Variants in PTPRK observed in about 807,000 individuals in gnomAD.
PTPRK encodes the protein protein tyrosine phosphatase receptor type K, also known as receptor-type tyrosine-protein phosphatase kappa.
A neutral mutation model predicts 178.0 loss-of-function variants in PTPRK; 75 were observed. The observed-to-expected ratio is 0.42, with a 90% CI of 0.35 to 0.51. The LOEUF is 0.51. PTPRK is among the 20% of genes least tolerant of loss of function. The pLI, the probability that PTPRK is intolerant of heterozygous loss-of-function variation, is 0.02. For synonymous variants in PTPRK, 637 were observed against 620.6 expected, an observed-to-expected ratio of 1.03 and a Z score of -0.39; for missense variants, 1,441 against 1,797.8, an observed-to-expected ratio of 0.80 and a Z score of 3.59.
chr6:128,044,300 T>G lies in PTPRK; in HGVS notation c.2194+20458A>C, dbSNP rs749795708. 2.6e-4 allele frequency among the ~76,000 whole-genome samples: 40 copies of G among 152,208 alleles called. 1 individual carries two copies. The highest frequency in any genetic ancestry group is 2.3e-3 in the South Asian group (11 of 4,824). On this transcript the variant is annotated intron_variant, in intron 13 of 29. Coordinates refer to ENST00000368226, the MANE Select transcript of PTPRK (RefSeq NM_002844.4). ...TCAACAAGTACTATATATCTGTATC[T>G]AAAAGTATTAAATACACCCATTTCT...
intron 3 of PTPRK, among the ~76,000 whole-genome samples, chr6:128,277,489 A>G (rs1465911614): frequency 6.6e-6 from 1 of 152,128 alleles, no homozygotes; most frequent in Non-Finnish European, 1.5e-5. Flanking sequence ...GAAAATAATC[A>G]TATGTTACTC....
intron 2 of PTPRK, among the ~76,000 whole-genome samples, chr6:128,330,942 C>A (rs1277042753): frequency 1.3e-5 from 2 of 152,276 alleles, no homozygotes; most frequent in East Asian, 3.9e-4. Context: ...TCTCCATGCA[C>A]TGGACCTTCC....
At chr6:128,125,210 C>G (rs1052770300) in intron 7 of PTPRK, among the ~76,000 whole-genome samples, 1 of 152,286 alleles carries the variant, frequency 6.6e-6, no homozygotes, top group Middle Eastern at 3.4e-3. Context: ...ACCCAAATCT[C>G]ATGTTAAATG....
intron 7 of PTPRK, among the ~76,000 whole-genome samples, chr6:128,167,726 C>T (rs1799625043): frequency 6.6e-6 from 1 of 152,024 alleles, no homozygotes; most frequent in Non-Finnish European, 1.5e-5. Flanking sequence ...GTTGAATAGA[C>T]ATTTCATGAA....
chr6:128,104,069 T>A (rs1467905808), intron 7 of PTPRK, among the ~76,000 whole-genome samples: 1 of 152,240 alleles, frequency 6.6e-6, no homozygotes, highest in Non-Finnish European at 1.5e-5. Context: ...CTACCAGATA[T>A]TCATGTGTCT....
intron 2 of PTPRK, among the ~76,000 whole-genome samples, chr6:128,343,384 C>A (rs1831946041): frequency 6.6e-6 from 1 of 151,416 alleles, no homozygotes; most frequent in African/African-American, 2.4e-5. Context: ...CCTATAATCC[C>A]AGCTACTCTG....
At chr6:128,353,771 C>CA (rs1190379333) in intron 2 of PTPRK, among the ~76,000 whole-genome samples, 1 of 151,794 alleles carries the variant, frequency 6.6e-6, no homozygotes, top group Non-Finnish European at 1.5e-5. Flanking sequence ...CTTCAGGTGA[C>CA]AAAAAAAATT....
chr6:128,330,207 T>A (rs1185441279), intron 2 of PTPRK, among the ~76,000 whole-genome samples: 3 of 152,212 alleles, frequency 2.0e-5, no homozygotes, highest in Admixed American at 6.5e-5. Context: ...GAGTGACAAG[T>A]GAAATCATGA....
chr6:128,332,678 C>A (rs935876258), intron 2 of PTPRK, among the ~76,000 whole-genome samples: 1 of 152,168 alleles, frequency 6.6e-6, no homozygotes, highest in Non-Finnish European at 1.5e-5. Flanking sequence ...AACTTAATGG[C>A]ACTTAACCTT....
intron 1 of PTPRK, among the ~76,000 whole-genome samples, chr6:128,460,255 C>T (rs75902715): frequency 1.3e-5 from 2 of 152,030 alleles, no homozygotes; most frequent in Non-Finnish European, 2.9e-5. Flanking sequence ...CAAGAATGCC[C>T]TTTTCCAGCT....
At chr6:128,132,299 T>C (rs200401632) in intron 7 of PTPRK, among the ~76,000 whole-genome samples, 4 of 152,142 alleles carry the variant, frequency 2.6e-5, no homozygotes, top group Non-Finnish European at 5.9e-5. Context: ...CTCAGCCTCC[T>C]GAGTAGCTGG....
At position 128,240,019 on chromosome 6, in the gene PTPRK, G is replaced by C; in HGVS notation, c.693+16C>G. 6.3e-7 allele frequency: 1 copy of C among 1,581,440 alleles called. No individual in the cohort carries two copies. On this transcript the variant is annotated intron_variant, in intron 5 of 29. Transcript: ENST00000368226. ...ATAAAGTATACTCTTTAGCTCAGCTGCCAACTTGGCCTTACCTGGAGCCAT... is the reference window on the plus strand; with the variant it reads ...ATAAAGTATACTCTTTAGCTCAGCTCCCAACTTGGCCTTACCTGGAGCCAT...
chr6:128,278,355 A>C (rs1821113939), intron 3 of PTPRK, among the ~76,000 whole-genome samples: 1 of 151,714 alleles, frequency 6.6e-6, no homozygotes, highest in Non-Finnish European at 1.5e-5. Flanking sequence ...ACAGTGTTTC[A>C]CTCTGTTTGC....
intron 7 of PTPRK, among the ~76,000 whole-genome samples, chr6:128,169,095 T>G (rs370660958): frequency 6.6e-6 from 1 of 152,006 alleles, no homozygotes; most frequent in East Asian, 1.9e-4. Flanking sequence ...GGCTATACAT[T>G]TGCAGTCAGG....
At chr6:128,279,212 T>A (rs1273538152) in intron 3 of PTPRK, among the ~76,000 whole-genome samples, 9 of 145,448 alleles carry the variant, frequency 6.2e-5, no homozygotes, top group African/African-American at 5.1e-5. Context: ...GAGGTTAAAT[T>A]AAAAAAAAAA....
chr6:128,157,534 A>G (rs1003740933), intron 7 of PTPRK, among the ~76,000 whole-genome samples: 3 of 151,990 alleles, frequency 2.0e-5, no homozygotes, highest in African/African-American at 7.2e-5. Flanking sequence ...AAAACATTCC[A>G]CAGTCATTTA....
At chr6:128,247,680 C>T (rs546804252) in intron 3 of PTPRK, among the ~76,000 whole-genome samples, 6 of 152,242 alleles carry the variant, frequency 3.9e-5, no homozygotes, top group Non-Finnish European at 7.4e-5. Context: ...ATTTCTTCTT[C>T]TATAAAGGAA....
intron 13 of PTPRK, among the ~76,000 whole-genome samples, chr6:128,028,133 T>C (rs1774646635): frequency 6.6e-6 from 1 of 152,208 alleles, no homozygotes; most frequent in Non-Finnish European, 1.5e-5. Flanking sequence ...GCACACACTA[T>C]TTATAATAAT....
At chr6:127,977,801 A>C (rs1774782417) in intron 25 of PTPRK, among the ~76,000 whole-genome samples, 1 of 152,198 alleles carries the variant, frequency 6.6e-6, no homozygotes, top group African/African-American at 2.4e-5. Context: ...TTAGAACACA[A>C]TATATTATCT....
Sources: allele counts gnomAD v4.1 joint callset (sites outside exome capture counted in the v4.1 genomes callset), GRCh38; gene constraint gnomAD v4.1.1; transcripts MANE v1.5; gene names NCBI Gene and HGNC (gene_info 2026-07-23, HGNC 2026-07-21).